The following GRN variants were observed in gnomAD, a reference collection of about 807,000 sequenced individuals.
GRN encodes the protein progranulin.
GRN carries 30 observed loss-of-function variants against 66.7 expected under a neutral mutation model. That is an observed-to-expected ratio of 0.45 (90% CI 0.34 to 0.61). The LOEUF is 0.61. Among genes scored for constraint, GRN ranks in the 20% least tolerant of loss-of-function variants. GRN has a pLI of 0.01. For synonymous variants in GRN, 327 were observed against 311.1 expected (o/e 1.05, Z -0.54); for missense variants, 731 against 803.5 (o/e 0.91, Z 1.09).
chr17:44,349,265 C>G lies in GRN; in HGVS notation c.101C>G (p.Pro34Arg). ...TGCCCTGTGGCCTGCTGCCTGGACC[C>G]CGGAGGAGCCAGCTACAGCTGCTGC... ...QFCPVACCLD[P>R]GGASYSCCRP... The change falls in exon 2 of 13, where the codon CCC becomes CGC. Residue 34 changes from proline to arginine, a missense_variant. Around this residue, in one of 3 missense-constraint regions of GRN, gnomAD observed 370 missense variants for 379.8 expected, o/e 0.97. Coordinates refer to ENST00000053867, the MANE Select transcript of GRN (RefSeq NM_002087.4). 6.2e-7 allele frequency: 1 copy of G among 1,614,000 alleles called. No individual in the cohort carries two copies. The highest frequency in any genetic ancestry group is 8.5e-7 in the Non-Finnish European group (1 of 1,180,028).
In GRN at chr17:44,352,815, C is replaced by T. The variant is rs1026659255; in HGVS notation, c.*17C>T. The T allele has an allele frequency of 4.4e-6, 7 of 1,608,768 alleles. No individual in the cohort carries two copies. Among genetic ancestry groups the T allele is most frequent in the African/African-American group, 2.7e-5 (2 of 74,918 alleles). Reference sequence around the variant, plus strand: ...CTGCTGTGAGGGACAGTACTGAAGACTCTGCAGCCCTCGGGACCCCACTCG... The same window carrying T: ...CTGCTGTGAGGGACAGTACTGAAGATTCTGCAGCCCTCGGGACCCCACTCG... On this transcript the variant is annotated 3_prime_UTR_variant, in exon 13 of 13. Transcript: ENST00000053867.
rs777453246 is a variant in GRN, at chr17:44,352,006, AC to A, written c.1180-3del. 1.4e-5 allele frequency: 22 copies of A among 1,607,544 alleles called. No homozygotes were observed. The highest frequency in any genetic ancestry group is 1.4e-5 in the Non-Finnish European group (17 of 1,175,878). ...CTACCTACAACGCCCTTTCCTGCCC[AC>A]CCCCCAGGCTGTCTGCTGCTCGGAC... On this transcript the variant is annotated splice_polypyrimidine_tract_variant and splice_region_variant and intron_variant, in intron 10 of 12. Coordinates refer to ENST00000053867, the MANE Select transcript of GRN (RefSeq NM_002087.4).
rs763051832 is a variant in GRN at position 44,352,816 on chromosome 17, T to A, written c.*18T>A. The A allele has an allele frequency of 3.9e-5, 62 of 1,608,782 alleles. No homozygotes were observed. In the South Asian group the frequency reaches 6.4e-4, roughly 17 times the overall value. Reference sequence around the variant, plus strand: ...TGCTGTGAGGGACAGTACTGAAGACTCTGCAGCCCTCGGGACCCCACTCGG... The same window carrying A: ...TGCTGTGAGGGACAGTACTGAAGACACTGCAGCCCTCGGGACCCCACTCGG... On this transcript the variant is annotated 3_prime_UTR_variant, in exon 13 of 13. Transcript: ENST00000053867.
In GRN at chr17:44,352,722, G is replaced by A. The variant is rs764307664; in HGVS notation, c.1706G>A (p.Gly569Asp). The change falls in exon 13 of 13, where the codon GGT (glycine) becomes GAT (aspartate). Residue 569 changes from glycine to aspartate, a missense_variant. Gly to Asp is a moderately conservative substitution (Grantham distance 94). Transcript: ENST00000053867. ...GCTGGCTTCCGCTGCGCAGCCAGGG[G>A]TACCAAGTGTTTGCGCAGGGAGGCC... Reference protein sequence around the residue: ...CPAGFRCAARGTKCLRREAPR... With the variant: ...CPAGFRCAARDTKCLRREAPR... The A allele has an allele frequency of 2.5e-5, 40 of 1,611,280 alleles. No individual in the cohort carries two copies. The East Asian group carries it at 8.5e-4, about 34-fold the overall frequency.
rs63750744 is a variant in GRN at position 44,350,800 on chromosome 17, C to T, written c.708C>T (p.Asn236=). Residue 236 remains asparagine, a splice_region_variant and synonymous_variant, in exon 7 of 13, where the codon AAC becomes AAT. Coordinates refer to ENST00000053867, the MANE Select transcript of GRN (RefSeq NM_002087.4). ...AGTATGGCTGCTGCCCAATGCCCAA[C>T]GTGAGTGAGGGGCTGGAGCCAGCTT... ...SGKYGCCPMP[N]ATCCSDHLHC... is the part of the protein sequence containing the mutation. 1.3e-5 allele frequency: 21 copies of T among 1,605,932 alleles called. No homozygotes were observed. The East Asian group carries it at 1.6e-4, about 12-fold the overall frequency.
Position 44,352,087 on chromosome 17 carries a change from C to A in GRN, c.1252C>A (p.Arg418=), listed in dbSNP as rs63751180. The A allele has an allele frequency of 6.2e-7, 1 of 1,613,786 alleles. No individual in the cohort carries two copies. The highest frequency in any genetic ancestry group is 1.1e-5 in the South Asian group (1 of 91,078). Reference sequence around the variant, plus strand: ...GTGTGTAGCTGAGGGGCAGTGTCAGCGAGGAAGCGAGATCGTGGCTGGACT... The same window carrying A: ...GTGTGTAGCTGAGGGGCAGTGTCAGAGAGGAAGCGAGATCGTGGCTGGACT... ...YTCVAEGQCQ[R]GSEIVAGLEK... is the part of the protein sequence containing the mutation. Residue 418 remains arginine (R), a synonymous_variant, in exon 11 of 13, where the codon CGA becomes AGA. Coordinates refer to ENST00000053867, the MANE Select transcript of GRN (RefSeq NM_002087.4).
At chr17:44,351,936 CG>C (rs2048379227) in intron 10 of GRN, 78 bp from the exon 11 acceptor site, 1 of 1,455,040 alleles carries the variant, frequency 6.9e-7, no homozygotes, top group African/African-American at 1.4e-5. Flanking sequence ...GCAGGAGAGG[CG>C]GGCTGGAGTA....
chr17:44,350,902 G>A, intron 7 of GRN, 102 bp downstream of exon 7: 1 of 1,411,256 alleles, frequency 7.1e-7, no homozygotes, highest in Non-Finnish European at 1.0e-6. Flanking sequence ...CTGGCTGCTT[G>A]CTGGGAGCCT....
intron 1 of GRN, 138 bp from the exon 2 acceptor site, chr17:44,349,020 G>C: frequency 1.1e-6 from 1 of 909,958 alleles, no homozygotes; most frequent in Non-Finnish European, 1.8e-6. Flanking sequence ...ATTTCTGCCT[G>C]CCTGGACAGG....
In GRN at chr17:44,350,801, G is replaced by GT. The variant is rs2143335568; in HGVS notation, c.708+2dup. The GT allele has an allele frequency of 1.2e-6, 2 of 1,604,296 alleles. No individual in the cohort carries two copies. The highest frequency in any genetic ancestry group is 1.7e-6 in the Non-Finnish European group (2 of 1,171,186). ...GTATGGCTGCTGCCCAATGCCCAAC[G>GT]TGAGTGAGGGGCTGGAGCCAGCTTG... is the stretch of plus-strand genomic sequence containing the variant. On this transcript the variant is annotated splice_donor_variant, in intron 7 of 12. Coordinates refer to ENST00000053867, the MANE Select transcript of GRN (RefSeq NM_002087.4). LOFTEE classifies it high-confidence loss of function.
At chr17:44,349,601 T>C (rs1420291705) in intron 3 of GRN, 50 bp downstream of exon 3, 1 of 1,613,216 alleles carries the variant, frequency 6.2e-7, no homozygotes. Flanking sequence ...CATTTATGCT[T>C]TTCCTGCACT....
chr17:44,352,262 T>C lies in GRN; in HGVS notation c.1413+14T>C, dbSNP rs1200933917. ...CAGTTGCCCCATGTGAGTGCCTCCC[T>C]GCCTGCCCCTGGATAGGGGAGCTAA... is the stretch of plus-strand genomic sequence containing the variant. On this transcript the variant is annotated intron_variant, in intron 11 of 12. Coordinates refer to ENST00000053867, the MANE Select transcript of GRN (RefSeq NM_002087.4). 1 of 1,605,470 alleles carries C rather than the reference T, an allele frequency of 6.2e-7. No homozygotes were observed. Among genetic ancestry groups the C allele is most frequent in the Admixed American group, 1.7e-5 (1 of 59,970 alleles).
Position 44,349,319 on chromosome 17 carries a change from C to T in GRN, c.138+17C>T. 1 of 1,613,994 alleles carries T rather than the reference C, an allele frequency of 6.2e-7. No homozygotes were observed. The highest frequency in any genetic ancestry group is 8.5e-7 in the Non-Finnish European group (1 of 1,179,992). ...CCCCTTCTGGTGAGTGCCCCTCAGC[C>T]TAGGCAAGAGCTGGCAGCCTGGGTT... On this transcript the variant is annotated intron_variant, in intron 2 of 12. Coordinates refer to ENST00000053867, the MANE Select transcript of GRN (RefSeq NM_002087.4).
intron 10 of GRN, 59 bp from the exon 11 acceptor site, chr17:44,351,956 C>A: frequency 6.7e-7 from 1 of 1,491,144 alleles, no homozygotes; most frequent in Non-Finnish European, 9.3e-7. Flanking sequence ...TAGGTAGGGG[C>A]TCGGCACTGC....
Position 44,352,760 on chromosome 17 carries a change from G to A in GRN, c.1744G>A (p.Ala582Thr), listed in dbSNP as rs72824737. ...CLRREAPRWD[A>T]PLRDPALRQL... ...GCGCAGGGAGGCCCCGCGCTGGGAC[G>A]CCCCTTTGAGGGACCCAGCCTTGAG... Residue 582 changes from alanine (A) to threonine (T), a missense_variant, in exon 13 of 13, where the codon GCC becomes ACC. By Grantham distance (58) the Ala-to-Thr change is moderately conservative (BLOSUM62 0). This residue lies in a region of GRN where 319 missense variants were observed against 347.2 expected (regional missense o/e 0.92). Coordinates refer to ENST00000053867, the MANE Select transcript of GRN (RefSeq NM_002087.4). 1.3e-4 allele frequency: 203 copies of A among 1,611,644 alleles called. No homozygotes were observed. Among genetic ancestry groups the A allele is most frequent in the Non-Finnish European group, 1.4e-4 (168 of 1,179,910 alleles).
At position 44,351,079 on chromosome 17, in the gene GRN, A is replaced by C; in HGVS notation, c.751A>C (p.Thr251Pro). The part of the protein sequence containing the change: ...SDHLHCCPQD[T>P]VCDLIQSKCL... Reference sequence around the variant, plus strand: ...TCACCTGCACTGCTGCCCCCAAGACACTGTGTGTGACCTGATCCAGAGTAA... The same window carrying C: ...TCACCTGCACTGCTGCCCCCAAGACCCTGTGTGTGACCTGATCCAGAGTAA... Residue 251 changes from threonine to proline, a missense_variant, in exon 8 of 13, where the codon ACT becomes CCT. Around this residue, in one of 3 missense-constraint regions of GRN, gnomAD observed 370 missense variants for 379.8 expected, o/e 0.97. Coordinates refer to ENST00000053867, the MANE Select transcript of GRN (RefSeq NM_002087.4). The C allele has an allele frequency of 6.2e-7, 1 of 1,613,950 alleles. No individual in the cohort carries two copies. The highest frequency in any genetic ancestry group is 8.5e-7 in the Non-Finnish European group (1 of 1,179,908).
intron 12 of GRN, 36 bp downstream of exon 12, chr17:44,352,607 C>T: frequency 6.2e-7 from 1 of 1,611,462 alleles, no homozygotes; most frequent in South Asian, 1.1e-5. Flanking sequence ...CTGGGTATGG[C>T]CAGGGACCAG....
intron 11 of GRN, 39 bp from the exon 12 acceptor site, chr17:44,352,302 C>G (rs751449174): frequency 6.2e-7 from 1 of 1,603,432 alleles, no homozygotes; most frequent in East Asian, 2.2e-5. Flanking sequence ...AGTGAGGGGA[C>G]AGGAACATAA....
Position 44,352,789 on chromosome 17 carries a change from G to C in GRN, c.1773G>C (p.Gln591His). ...DAPLRDPALR[Q>H]LL Reference sequence around the variant, plus strand: ...CTTTGAGGGACCCAGCCTTGAGACAGCTGCTGTGAGGGACAGTACTGAAGA... The same window carrying C: ...CTTTGAGGGACCCAGCCTTGAGACACCTGCTGTGAGGGACAGTACTGAAGA... Residue 591 changes from glutamine (Q) to histidine (H), a missense_variant, in exon 13 of 13, where the codon CAG (glutamine) becomes CAC (histidine). Transcript: ENST00000053867. 1 of 1,611,486 alleles carries C rather than the reference G, an allele frequency of 6.2e-7. No individual in the cohort carries two copies. The highest frequency in any genetic ancestry group is 1.3e-5 in the African/African-American group (1 of 75,040).
Sources: gnomAD v4.1 joint callset for allele counts on GRCh38, gnomAD v4.1.1 for gene constraint, gnomAD v4.1.1 regional missense constraint, MANE v1.5 for transcripts, NCBI Gene and HGNC (gene_info 2026-07-23, HGNC 2026-07-21) for gene names.